NLRP13: variants seen among roughly 807,000 people sequenced by gnomAD.
NLRP13 encodes the protein NACHT, LRR and PYD domains-containing protein 13.
Under a neutral mutation model 94.4 loss-of-function variants are expected in NLRP13, and 82 were observed. The ratio of observed to expected loss-of-function variants is 0.87; its 90% CI spans 0.73 to 1.04. The LOEUF (loss-of-function observed/expected upper bound fraction) is 1.04, where lower values mean the gene tolerates loss of function less well. Ranked by LOEUF, NLRP13 falls within the 50% of genes least tolerant of loss-of-function variation. The pLI is 0.00. For missense variants in NLRP13, 1,426 were observed against 1,230.8 expected (o/e 1.16, Z -2.37); for synonymous variants, 553 against 464.7 (o/e 1.19, Z -2.45).
At chr19:55,899,957 T>G (rs1030559138) in intron 9 of NLRP13, among the ~76,000 whole-genome samples, 13 of 150,598 alleles carry the variant, frequency 8.6e-5, no homozygotes, top group African/African-American at 2.2e-4. Context: ...ATTGTTGTTT[T>G]TTTTTTTTTT....
intron 4 of NLRP13, among the ~76,000 whole-genome samples, chr19:55,919,391 G>T (rs1176599637): frequency 1.3e-5 from 2 of 151,892 alleles, no homozygotes; most frequent in Admixed American, 1.3e-4. Context: ...GCAAGAGAAA[G>T]AAATAAAAAG....
At chr19:55,916,779 G>A (rs1365738105) in intron 4 of NLRP13, among the ~76,000 whole-genome samples, 1 of 152,034 alleles carries the variant, frequency 6.6e-6, no homozygotes, top group Non-Finnish European at 1.5e-5. Context: ...AGAGCAAAAA[G>A]TTTTAAAAAC....
At chr19:55,898,677 C>G (rs1986081596) in intron 10 of NLRP13, 93 bp downstream of exon 10, 6 of 1,312,910 alleles carry the variant, frequency 4.6e-6, no homozygotes, top group Non-Finnish European at 5.2e-6. Context: ...CTTACTTTGC[C>G]TCACTTTCTA....
At chr19:55,906,966 ATT>A (rs11310557) in intron 7 of NLRP13, among the ~76,000 whole-genome samples, 3 of 150,872 alleles carry the variant, frequency 2.0e-5, no homozygotes, top group African/African-American at 7.3e-5. Context: ...CTGTATTATT[ATT>A]TTTTTTTTTG....
Position 55,912,435 on chromosome 19 carries a change from G to C in NLRP13, c.1382C>G (p.Ser461Cys), listed in dbSNP as rs140626353. ...TTTSLYAYFF[S>C]NLFSTAEVDL... ...TACCTCTGCTGTGGAGAACAAGTTG[G>C]AGAAAAAATAGGCATACAGACTGGT... The change falls in exon 5 of 11, where the codon TCC (serine) becomes TGC (cysteine). Residue 461 changes from serine (S) to cysteine (C), a missense_variant. Transcript: ENST00000342929. 1 of 1,614,174 alleles carries C rather than the reference G, an allele frequency of 6.2e-7. No individual in the cohort carries two copies. The highest frequency in any genetic ancestry group is 8.5e-7 in the Non-Finnish European group (1 of 1,180,030).
Position 55,912,219 on chromosome 19 carries a change from G to A in NLRP13, c.1598C>T (p.Thr533Ile). 4.3e-6 allele frequency: 7 copies of A among 1,614,182 alleles called. No individual in the cohort carries two copies. Among genetic ancestry groups the A allele is most frequent in the Non-Finnish European group, 5.9e-6 (7 of 1,180,012 alleles). Residue 533 changes from threonine (T) to isoleucine (I), a missense_variant, in exon 5 of 11, where the codon ACT becomes ATT. Coordinates refer to ENST00000342929, the MANE Select transcript of NLRP13 (RefSeq NM_176810.2). ...CTCCTGGAAACTTAGGTGGGTGAAA[G>A]TAGTGCAACCCCCACAGTCATTGAT... The part of the protein sequence containing the change: ...QKINDCGGCT[T>I]FTHLSFQEFF...
chr19:55,913,308 G>C lies in NLRP13; in HGVS notation c.524-15C>G. ...TCTTCTGTGGTCTAGAGAGGGCGGA[G>C]TGGGGAGAAGAATGGTAAGAATAAA... On this transcript the variant is annotated splice_polypyrimidine_tract_variant and intron_variant, in intron 4 of 10. Coordinates refer to ENST00000342929, the MANE Select transcript of NLRP13 (RefSeq NM_176810.2). The C allele has an allele frequency of 3.7e-6, 6 of 1,603,792 alleles. No individual in the cohort carries two copies. Among genetic ancestry groups the C allele is most frequent in the Non-Finnish European group, 5.1e-6 (6 of 1,174,324 alleles).
At position 55,912,246 on chromosome 19, in the gene NLRP13, T is replaced by C. The variant is rs751944798; in HGVS notation, c.1571A>G (p.Lys524Arg). 14 of 1,614,028 alleles carry C rather than the reference T, an allele frequency of 8.7e-6. 1 individual carries two copies. In the Admixed American group the frequency reaches 2.3e-4, roughly 27 times the overall value. ...DSLYEFNILQ[K>R]INDCGGCTTF... is the part of the protein sequence containing the mutation. ...AGTGCAACCCCCACAGTCATTGATC[T>C]TTTGAAGAATATTGAACTCGTAGAG... Residue 524 changes from lysine to arginine, a missense_variant, in exon 5 of 11, where the codon AAG (lysine) becomes AGG (arginine). Physicochemically the swap from Lys to Arg is conservative, Grantham distance 26. Coordinates refer to ENST00000342929, the MANE Select transcript of NLRP13 (RefSeq NM_176810.2).
intron 1 of NLRP13, among the ~76,000 whole-genome samples, chr19:55,930,122 A>T (rs907324265): frequency 3.3e-5 from 5 of 152,248 alleles, no homozygotes; most frequent in Middle Eastern, 3.4e-3. Context: ...GGGTTCTGAT[A>T]TGGAAGACTC....
intron 1 of NLRP13, among the ~76,000 whole-genome samples, chr19:55,930,461 A>G (rs1289092179): frequency 3.2e-4 from 48 of 151,870 alleles, no homozygotes; most frequent in Non-Finnish European, 1.0e-4. Flanking sequence ...TGAGGCAGGC[A>G]AATCACCTGA....
In NLRP13 at chr19:55,902,349, A is replaced by G. The variant is rs1342005375; in HGVS notation, c.2619-144T>C. The stretch of plus-strand genomic sequence containing the variant: ...GGTCTTTCTTTTTAGCTGGACACCG[A>G]CCCAGGCTATGGCAGTATCTTGCAT... On this transcript the variant is annotated intron_variant, in intron 8 of 10. Coordinates refer to ENST00000342929, the MANE Select transcript of NLRP13 (RefSeq NM_176810.2). 4.4e-5 allele frequency: 29 copies of G among 653,356 alleles called. 1 individual carries two copies. Among genetic ancestry groups the G allele is most frequent in the Non-Finnish European group, 6.8e-5 (26 of 383,698 alleles). The allele number at this position is 653,356 out of a possible 1,614,324, so 40.5% of individuals were successfully genotyped here.
At chr19:55,894,398 TAAATG>T (rs1985942490), downstream of NLRP13, among the ~76,000 whole-genome samples, 1 of 152,164 alleles carries the variant, frequency 6.6e-6, no homozygotes, top group Non-Finnish European at 1.5e-5. Flanking sequence ...GTGTTCTAAT[TAAATG>T]CTCTTCTCTC....
intron 4 of NLRP13, among the ~76,000 whole-genome samples, chr19:55,923,161 C>T (rs546536826): frequency 1.3e-5 from 2 of 152,320 alleles, no homozygotes; most frequent in Non-Finnish European, 2.9e-5. Flanking sequence ...AAAAGGTAAT[C>T]TCAATATCAG....
intron 4 of NLRP13, among the ~76,000 whole-genome samples, chr19:55,914,786 TG>T (rs1986635449): frequency 6.6e-6 from 1 of 152,252 alleles, no homozygotes; most frequent in Admixed American, 6.5e-5. Flanking sequence ...AGTATTCTAT[TG>T]CATCTATAGG....
At chr19:55,926,313 A>C (rs1204611239) in intron 1 of NLRP13, among the ~76,000 whole-genome samples, 1 of 152,218 alleles carries the variant, frequency 6.6e-6, no homozygotes, top group Non-Finnish European at 1.5e-5. Context: ...GGACTAGTAC[A>C]TGGCTGCAAA....
In NLRP13 at chr19:55,923,853, C is replaced by T. The variant is rs948583495; in HGVS notation, c.523+61G>A. ...AGTATGAGGCAACTCTACTATGGACCTAGTGAAACCAATGCTCGTCAAGCA... is the reference window on the plus strand; with the variant it reads ...AGTATGAGGCAACTCTACTATGGACTTAGTGAAACCAATGCTCGTCAAGCA... On this transcript the variant is annotated intron_variant, in intron 4 of 10. Transcript: ENST00000342929. 1.7e-5 allele frequency: 21 copies of T among 1,213,280 alleles called. No individual in the cohort carries two copies. The South Asian group carries it at 2.4e-4, about 14-fold the overall frequency. The allele number at this position is 1,213,280 out of a possible 1,614,324, so 75.2% of individuals were successfully genotyped here. A position where few individuals can be genotyped will look rare whatever the true frequency, so the allele number is the denominator to read the frequency against.
chr19:55,904,438 C>T (rs1043837775), intron 8 of NLRP13, among the ~76,000 whole-genome samples: 2 of 152,138 alleles, frequency 1.3e-5, no homozygotes, highest in African/African-American at 2.4e-5. Flanking sequence ...CGGCTGCCTC[C>T]CCCTTGCTTC....
chr19:55,901,438 G>A (rs1986170392), intron 9 of NLRP13, among the ~76,000 whole-genome samples: 2 of 152,060 alleles, frequency 1.3e-5, no homozygotes, highest in African/African-American at 4.8e-5. Context: ...GGGGAGAGGG[G>A]GAAAAGTCGT....
In NLRP13 at chr19:55,932,239, C is replaced by T. The variant is rs769968680; in HGVS notation, c.73G>A (p.Asp25Asn). ...TTGAATTCCTCCAGCTGATACTGATCCAGGGCCATCAGGTAAGGCAGAAGC... is the reference window on the plus strand; with the variant it reads ...TTGAATTCCTCCAGCTGATACTGATTCAGGGCCATCAGGTAAGGCAGAAGC... ...QGLLPYLMAL[D>N]QYQLEEFKLC... Residue 25 changes from aspartate (D) to asparagine (N), a missense_variant, in exon 1 of 11, where the codon GAT becomes AAT. Coordinates refer to ENST00000342929, the MANE Select transcript of NLRP13 (RefSeq NM_176810.2). The T allele has an allele frequency of 6.2e-7, 1 of 1,613,154 alleles. No individual in the cohort carries two copies. Among genetic ancestry groups the T allele is most frequent in the African/African-American group, 1.3e-5 (1 of 74,872 alleles).
Sources: gnomAD v4.1 joint callset for allele counts (sites outside exome capture counted in the v4.1 genomes callset) on GRCh38, gnomAD v4.1.1 for gene constraint, MANE v1.5 for transcripts, NCBI Gene and HGNC (gene_info 2026-07-23, HGNC 2026-07-21) for gene names.